ACSS1: variants seen among roughly 807,000 people sequenced by gnomAD.
ACSS1 encodes acetyl-coenzyme A synthetase 2-like, mitochondrial.
Under a neutral mutation model 75.3 loss-of-function variants are expected in ACSS1, and 42 were observed. That is an observed-to-expected ratio of 0.56 (90% CI 0.44 to 0.72). ACSS1 has a LOEUF of 0.72. Among genes scored for constraint, ACSS1 ranks in the 30% least tolerant of loss-of-function variants. The probability of loss-of-function intolerance (pLI) is 0.00; values close to 1 mark genes in which losing one functional copy is unlikely to be tolerated. For missense variants in ACSS1, 782 were observed against 935.7 expected, an observed-to-expected ratio of 0.84 and a Z score of 2.14; for synonymous variants, 380 against 376.8, an observed-to-expected ratio of 1.01 and a Z score of -0.10.
rs2088320252 is a variant in ACSS1, at chr20:25,006,964, A to C, written c.*798T>G. The stretch of plus-strand genomic sequence containing the variant: ...TCAAGAGGCATCTGGGGGCACAAAA[A>C]TCTTTCTGGATCACAGCTTGAAGAA... On this transcript the variant is annotated 3_prime_UTR_variant, in exon 14 of 14. Coordinates refer to ENST00000323482, the MANE Select transcript of ACSS1 (RefSeq NM_032501.4). The C allele has an allele frequency of 8.5e-6, 13 of 1,535,208 alleles. No homozygotes were observed. Among genetic ancestry groups the C allele is most frequent in the Non-Finnish European group, 1.1e-5 (13 of 1,146,604 alleles).
intron 6 of ACSS1, among the ~76,000 whole-genome samples, chr20:25,020,799 A>C (rs962430083): frequency 6.6e-6 from 1 of 152,284 alleles, no homozygotes; most frequent in African/African-American, 2.4e-5. Context: ...CACAGTTGTC[A>C]GTGCCATGGA....
rs376493741 is a variant in ACSS1 at position 25,030,746 on chromosome 20, C to T, written c.631+13G>A. ...ACTCCAGGGTTCCTCCCTCCCCATG[C>T]CCACCTCCTCACCATCATTGATCCT... On this transcript the variant is annotated intron_variant, in intron 3 of 13. Coordinates refer to ENST00000323482, the MANE Select transcript of ACSS1 (RefSeq NM_032501.4). 4.3e-6 allele frequency: 7 copies of T among 1,613,614 alleles called. No homozygotes were observed. Among genetic ancestry groups the T allele is most frequent in the African/African-American group, 1.3e-5 (1 of 75,042 alleles).
chr20:25,014,556 C>T (rs981257989), intron 8 of ACSS1, among the ~76,000 whole-genome samples: 6 of 152,320 alleles, frequency 3.9e-5, no homozygotes, highest in African/African-American at 1.4e-4. Context: ...CCCATGGGAA[C>T]GCCTCATTTT....
At chr20:25,053,634 C>T (rs1219795827) in intron 1 of ACSS1, among the ~76,000 whole-genome samples, 2 of 152,132 alleles carry the variant, frequency 1.3e-5, no homozygotes, top group Admixed American at 6.5e-5. Context: ...AGGCGCACAG[C>T]GTCTTGCCGC....
intron 1 of ACSS1, among the ~76,000 whole-genome samples, chr20:25,051,674 C>A (rs562307475): frequency 1.3e-5 from 2 of 152,304 alleles, no homozygotes; most frequent in South Asian, 2.1e-4. Context: ...TGCAAGATTT[C>A]CAATGGTTTT....
In ACSS1 at chr20:25,031,766, G is replaced by A. The variant is rs183600997; in HGVS notation, c.432-808C>T. On this transcript the variant is annotated intron_variant, in intron 2 of 13. Coordinates refer to ENST00000323482, the MANE Select transcript of ACSS1 (RefSeq NM_032501.4). The stretch of plus-strand genomic sequence containing the variant: ...CCTTTTTCCAGCAGCAGCTTCTCAG[G>A]GACCACAAGTGTCTGAGGCATAGAT... 2.9e-4 allele frequency among the ~76,000 whole-genome samples: 44 copies of A among 152,208 alleles called. 2 individuals are homozygous for A. In the East Asian group the frequency reaches 7.9e-3, roughly 27 times the overall value.
Position 25,020,129 on chromosome 20 carries a change from A to G in ACSS1, c.1127T>C (p.Val376Ala), listed in dbSNP as rs2088594787. The G allele has an allele frequency of 6.2e-7, 1 of 1,614,162 alleles. No homozygotes were observed. Among genetic ancestry groups the G allele is most frequent in the Non-Finnish European group, 8.5e-7 (1 of 1,179,996 alleles). The change falls in exon 7 of 14, where the codon GTA (valine) becomes GCA (alanine). Residue 376 changes from valine (V) to alanine (A), a missense_variant. By Grantham distance (64) the Val-to-Ala change is moderately conservative (BLOSUM62 0). Transcript: ENST00000323482. The stretch of plus-strand genomic sequence containing the variant: ...GAACTGATTGATCTTCAACCTCTCT[A>G]CTGTCTCCCAGTACCGACCTACAGA... Reference protein sequence around the residue: ...YPNAGRYWETVERLKINQFYG... With the variant: ...YPNAGRYWETAERLKINQFYG...
intron 11 of ACSS1, 25 bp from the exon 12 acceptor site, chr20:25,012,689 G>T (rs1416939558): frequency 1.2e-6 from 2 of 1,614,120 alleles, no homozygotes; most frequent in African/African-American, 2.7e-5. Flanking sequence ...GAACAAAAGG[G>T]CAAAATGTGG....
intron 3 of ACSS1, among the ~76,000 whole-genome samples, chr20:25,024,806 T>C (rs2088687572): frequency 6.6e-6 from 1 of 152,178 alleles, no homozygotes; most frequent in Non-Finnish European, 1.5e-5. Flanking sequence ...GGAGATGTCA[T>C]GGCCATGAGG....
chr20:25,017,777 G>A (rs1020111066), intron 7 of ACSS1, among the ~76,000 whole-genome samples: 5 of 152,200 alleles, frequency 3.3e-5, no homozygotes, highest in East Asian at 1.9e-4. Context: ...CACTTAGGGC[G>A]GTACCCCTTG....
intron 2 of ACSS1, among the ~76,000 whole-genome samples, chr20:25,040,840 A>G (rs1392120009): frequency 2.6e-5 from 4 of 152,178 alleles, no homozygotes; most frequent in Non-Finnish European, 5.9e-5. Context: ...GCCCCACCCC[A>G]GGCCACCCTT....
intron 1 of ACSS1, among the ~76,000 whole-genome samples, chr20:25,051,203 C>G (rs2089170362): frequency 6.6e-6 from 1 of 152,194 alleles, no homozygotes; most frequent in Non-Finnish European, 1.5e-5. Context: ...TGTCCCAGAC[C>G]CTGCGCATCC....
intron 2 of ACSS1, chr20:25,032,694 C>T (rs2088847686): frequency 1.7e-6 from 2 of 1,184,184 alleles, no homozygotes; most frequent in African/African-American, 3.2e-5. Flanking sequence ...AAAGGGTAGT[C>T]AAGGAAAGGG....
intron 3 of ACSS1, among the ~76,000 whole-genome samples, chr20:25,025,234 A>T (rs1001489079): frequency 6.6e-6 from 1 of 151,536 alleles, no homozygotes; most frequent in African/African-American, 2.4e-5. Context: ...CGCACACCTC[A>T]CTCCTGACTC....
Position 25,057,975 on chromosome 20 carries a change from C to G in ACSS1, c.128G>C (p.Gly43Ala). The stretch of plus-strand genomic sequence containing the variant: ...TGCTGCTGCAACTGCGGGAGCGCTG[C>G]CCGAGGGTCCCGAGGCCGCCCTGCG... The part of the protein sequence containing the change: ...APRRAASGPS[G>A]SAPAVAAAAA... The change falls in exon 1 of 14, where the codon GGC (glycine) becomes GCC (alanine). Residue 43 changes from glycine to alanine, a missense_variant. Transcript: ENST00000323482. The G allele has an allele frequency of 5.1e-6, 8 of 1,556,832 alleles. No homozygotes were observed. The highest frequency in any genetic ancestry group is 6.9e-6 in the Non-Finnish European group (8 of 1,153,174).
chr20:25,012,560 G>GCAC lies in ACSS1; in HGVS notation c.1771+40_1771+41insGTG, dbSNP rs147212353. The GCAC allele has an allele frequency of 1.4e-4, 232 of 1,610,928 alleles. No individual in the cohort carries two copies. The African/African-American group carries it at 2.8e-3, about 19-fold the overall frequency. ...TACAGAGGTGCCCATAATGGGTGTG[G>GCAC]GGTCAGGAATCAGGGAGGAGCTCAT... On this transcript the variant is annotated intron_variant, in intron 12 of 13. Coordinates refer to ENST00000323482, the MANE Select transcript of ACSS1 (RefSeq NM_032501.4).
intron 3 of ACSS1, among the ~76,000 whole-genome samples, chr20:25,026,654 T>C (rs569350468): frequency 5.2e-4 from 79 of 152,348 alleles, no homozygotes; most frequent in African/African-American, 1.8e-3. Context: ...ATTTATTGTT[T>C]TCAGTTTTAT....
rs533340627 is a variant in ACSS1 at position 25,041,130 on chromosome 20, T to C, written c.431+6955A>G. Among the ~76,000 whole-genome samples, 19 of 151,986 alleles carry C rather than the reference T, an allele frequency of 1.3e-4. No homozygotes were observed. The East Asian group carries it at 3.1e-3, about 25-fold the overall frequency. On this transcript the variant is annotated intron_variant, in intron 2 of 13. Transcript: ENST00000323482. ...AAAATTAGCCGGGCGTGGTGGCAGGTGCCTGTAGTCCCAGCTACTCAGGAG... is the reference window on the plus strand; with the variant it reads ...AAAATTAGCCGGGCGTGGTGGCAGGCGCCTGTAGTCCCAGCTACTCAGGAG...
intron 2 of ACSS1, among the ~76,000 whole-genome samples, chr20:25,043,214 C>A (rs2122732783): frequency 6.6e-6 from 1 of 152,336 alleles, no homozygotes; most frequent in East Asian, 1.9e-4. Flanking sequence ...AAAACTCAAC[C>A]CTCCACAAAG....
Sources: gnomAD v4.1 joint callset for allele counts (sites outside exome capture counted in the v4.1 genomes callset) on GRCh38, gnomAD v4.1.1 for gene constraint, MANE v1.5 for transcripts, NCBI Gene and HGNC (gene_info 2026-07-23, HGNC 2026-07-21) for gene names.